The following CNTNAP4 variants were observed in gnomAD, a reference collection of about 807,000 sequenced individuals.
The protein encoded by CNTNAP4 is contactin-associated protein-like 4.
Under a neutral mutation model 148.4 loss-of-function variants are expected in CNTNAP4, and 98 were observed. The ratio of observed to expected loss-of-function variants is 0.66; its 90% CI spans 0.56 to 0.78. CNTNAP4 has a LOEUF of 0.78. CNTNAP4 is among the 30% of genes least tolerant of loss of function. CNTNAP4 has a pLI of 0.00. For synonymous variants in CNTNAP4, 730 were observed against 565.1 expected (o/e 1.29, Z -4.14); for missense variants, 1,935 against 1,565.6 (o/e 1.24, Z -3.98).
intron 3 of CNTNAP4, among the ~76,000 whole-genome samples, chr16:76,381,339 G>T (rs1204038967): frequency 6.6e-6 from 1 of 152,058 alleles, no homozygotes; most frequent in Non-Finnish European, 1.5e-5. Flanking sequence ...GCCTCCCAGT[G>T]CCCCCTCCCA....
intron 1 of CNTNAP4, among the ~76,000 whole-genome samples, chr16:76,286,127 A>AT (rs11397798): frequency 0.073 from 11,118 of 151,658 alleles, 1,440 homozygotes; most frequent in African/African-American, 0.25. Flanking sequence ...AAGGAACTAG[A>AT]TTGAAAGTGG....
intron 1 of CNTNAP4, among the ~76,000 whole-genome samples, chr16:76,285,862 G>C (rs569057811): frequency 8.6e-5 from 13 of 151,912 alleles, no homozygotes; most frequent in Non-Finnish European, 1.6e-4. Context: ...ACCTTGAACA[G>C]ACATTTGATT....
intron 8 of CNTNAP4, among the ~76,000 whole-genome samples, chr16:76,455,293 T>A (rs550762322): frequency 6.6e-6 from 1 of 152,202 alleles, no homozygotes; most frequent in Admixed American, 6.5e-5. Flanking sequence ...TCTGCTGCTG[T>A]TTTTGCGTAA....
At chr16:76,322,656 A>C (rs1962545300) in intron 2 of CNTNAP4, among the ~76,000 whole-genome samples, 2 of 152,134 alleles carry the variant, frequency 1.3e-5, no homozygotes, top group African/African-American at 4.8e-5. Context: ...GGGGCCACAT[A>C]AATTACAAAA....
chr16:76,427,976 A>G (rs529351923), intron 4 of CNTNAP4, among the ~76,000 whole-genome samples: 1 of 152,314 alleles, frequency 6.6e-6, no homozygotes, highest in South Asian at 2.1e-4. Flanking sequence ...ACAGTGTTCC[A>G]TTTAGTTTAA....
intron 8 of CNTNAP4, among the ~76,000 whole-genome samples, chr16:76,459,927 G>C (rs2080874462): frequency 6.6e-6 from 1 of 152,098 alleles, no homozygotes; most frequent in South Asian, 2.1e-4. Context: ...CCTTAGGAGG[G>C]ACTAGAGATT....
intron 3 of CNTNAP4, among the ~76,000 whole-genome samples, chr16:76,377,087 G>C (rs994182340): frequency 6.6e-6 from 1 of 152,088 alleles, no homozygotes; most frequent in East Asian, 1.9e-4. Context: ...TCAGGGCAGA[G>C]TTGCAGTTTA....
intron 15 of CNTNAP4, among the ~76,000 whole-genome samples, chr16:76,501,961 T>C (rs1004814801): frequency 7.3e-5 from 11 of 150,716 alleles, no homozygotes; most frequent in Admixed American, 2.0e-4. Flanking sequence ...CCCAGCTACT[T>C]GGGAGGCTGA....
At chr16:76,439,068 G>T (rs1001259764) in intron 4 of CNTNAP4, among the ~76,000 whole-genome samples, 16 of 151,962 alleles carry the variant, frequency 1.1e-4, no homozygotes, top group African/African-American at 3.6e-4. Flanking sequence ...TAATATGTCT[G>T]TACACACAGG....
At chr16:76,503,893 T>C (rs2082742767) in intron 15 of CNTNAP4, among the ~76,000 whole-genome samples, 1 of 152,142 alleles carries the variant, frequency 6.6e-6, no homozygotes, top group African/African-American at 2.4e-5. Flanking sequence ...GTACCATTTT[T>C]ATACTAGCAC....
At chr16:76,295,712 C>G (rs976044535) in intron 1 of CNTNAP4, among the ~76,000 whole-genome samples, 1 of 152,188 alleles carries the variant, frequency 6.6e-6, no homozygotes, top group African/African-American at 2.4e-5. Context: ...GTGGCCAATT[C>G]AAGTTGGTGG....
At chr16:76,298,482 A>ATGTGTGTG (rs1491431951) in intron 1 of CNTNAP4, among the ~76,000 whole-genome samples, 2 of 125,774 alleles carry the variant, frequency 1.6e-5, no homozygotes, top group Admixed American at 7.5e-5. Context: ...ATGTGTGTAC[A>ATGTGTGTG]TGTATGTGTG....
intron 2 of CNTNAP4, among the ~76,000 whole-genome samples, chr16:76,347,880 G>A (rs2144416393): frequency 6.6e-6 from 1 of 152,192 alleles, no homozygotes; most frequent in East Asian, 1.9e-4. Flanking sequence ...CATTGCAGGT[G>A]GCATAGTGAG....
Position 76,489,708 on chromosome 16 carries a change from G to A in CNTNAP4, c.1905G>A (p.Gln635=), listed in dbSNP as rs372982373. 15 of 1,600,326 alleles carry A rather than the reference G, an allele frequency of 9.4e-6. No individual in the cohort carries two copies. The highest frequency in any genetic ancestry group is 4.0e-5 in the African/African-American group (3 of 74,666). The change falls in exon 13 of 24, where the codon CAG becomes CAA. Residue 635 remains glutamine, a synonymous_variant. Coordinates refer to ENST00000611870, the MANE Select transcript of CNTNAP4 (RefSeq NM_033401.5). The stretch of plus-strand genomic sequence containing the variant: ...AAGAAACTGCATGGACCATCATACA[G>A]CACAACGGCTCTGACTTAACAAGAG... ...NMTETAWTII[Q]HNGSDLTRVR...
intron 1 of CNTNAP4, among the ~76,000 whole-genome samples, chr16:76,310,951 C>T (rs1961033771): frequency 6.6e-6 from 1 of 151,966 alleles, no homozygotes; most frequent in Admixed American, 6.6e-5. Context: ...TTTAATTTTC[C>T]TAATTTAATT....
In CNTNAP4 at chr16:76,464,293, A is replaced by G. The variant is rs535970322; in HGVS notation, c.1483+2188A>G. On this transcript the variant is annotated intron_variant, in intron 9 of 23. Coordinates refer to ENST00000611870, the MANE Select transcript of CNTNAP4 (RefSeq NM_033401.5). Reference sequence around the variant, plus strand: ...TGTGAGGCCTTTTGGTACCATGGGCAAGAGCATGACTGGAGGAGGGCTAAA... The same window carrying G: ...TGTGAGGCCTTTTGGTACCATGGGCGAGAGCATGACTGGAGGAGGGCTAAA... 2.5e-4 allele frequency among the ~76,000 whole-genome samples: 38 copies of G among 152,296 alleles called. No homozygotes were observed. The South Asian group carries it at 7.2e-3, about 29-fold the overall frequency.
At chr16:76,455,822 T>G (rs1467846494) in intron 8 of CNTNAP4, among the ~76,000 whole-genome samples, 1 of 152,244 alleles carries the variant, frequency 6.6e-6, no homozygotes, top group Non-Finnish European at 1.5e-5. Context: ...TTATACATTG[T>G]GCACTACAGA....
chr16:76,419,041 G>A (rs1056529687), intron 3 of CNTNAP4, among the ~76,000 whole-genome samples: 18 of 151,888 alleles, frequency 1.2e-4, no homozygotes, highest in Admixed American at 9.2e-4. Context: ...GTGGTGGTTC[G>A]ATGTGTAAGA....
chr16:76,445,355 T>C (rs370784326), intron 4 of CNTNAP4, among the ~76,000 whole-genome samples: 1 of 152,166 alleles, frequency 6.6e-6, no homozygotes, highest in Non-Finnish European at 1.5e-5. Context: ...CTTCACTAAA[T>C]GGAAACACCA....
Sources: allele counts gnomAD v4.1 joint callset (sites outside exome capture counted in the v4.1 genomes callset), GRCh38; gene constraint gnomAD v4.1.1; transcripts MANE v1.5; gene names NCBI Gene and HGNC (gene_info 2026-07-23, HGNC 2026-07-21).